The following NEDD4 variants were observed in gnomAD, a reference collection of about 807,000 sequenced individuals.
The protein encoded by NEDD4 is NEDD4 E3 ubiquitin protein ligase.
Under a neutral mutation model 144.9 loss-of-function variants are expected in NEDD4, and 99 were observed. The ratio of observed to expected loss-of-function variants is 0.68; its 90% CI spans 0.58 to 0.81. The LOEUF (loss-of-function observed/expected upper bound fraction) is 0.81. Among genes scored for constraint, NEDD4 ranks in the 30% least tolerant of loss-of-function variants. NEDD4 has a pLI of 0.00. For missense variants in NEDD4, 985 were observed against 1,065.9 expected, an observed-to-expected ratio of 0.92 and a Z score of 1.06; for synonymous variants, 318 against 350.6, an observed-to-expected ratio of 0.91 and a Z score of 1.04.
Position 55,852,494 on chromosome 15 carries a change from T to C in NEDD4, c.1076A>G (p.Asp359Gly), listed in dbSNP as rs1381034299. 1 of 1,613,284 alleles carries C rather than the reference T, an allele frequency of 6.2e-7. No individual in the cohort carries two copies. Among genetic ancestry groups the C allele is most frequent in the Non-Finnish European group, 8.5e-7 (1 of 1,179,594 alleles). The change falls in exon 13 of 29, where the codon GAT becomes GGT. Residue 359 changes from aspartate (D) to glycine (G), a missense_variant. Coordinates refer to ENST00000435532, the MANE Select transcript of NEDD4 (RefSeq NM_006154.4). ...TACATAATATGATCTTCCTCTTTCA[T>C]CTTGTTTTTCTTCCCAACCTGGTGG... The part of the protein sequence containing the change: ...GLPPGWEEKQ[D>G]ERGRSYYVDH...
intron 4 of NEDD4, among the ~76,000 whole-genome samples, chr15:55,936,245 T>C (rs1206585465): frequency 6.6e-6 from 1 of 152,140 alleles, no homozygotes; most frequent in Non-Finnish European, 1.5e-5. Context: ...GTAATAATTA[T>C]GAGTTACCTG....
chr15:55,955,421 G>A (rs1247765542), intron 2 of NEDD4, among the ~76,000 whole-genome samples: 4 of 151,998 alleles, frequency 2.6e-5, no homozygotes, highest in Non-Finnish European at 5.9e-5. Flanking sequence ...TATTCTTCCT[G>A]CTTGACTCAA....
At chr15:55,899,988 C>T (rs1443510670) in intron 5 of NEDD4, among the ~76,000 whole-genome samples, 16 of 151,584 alleles carry the variant, frequency 1.1e-4, no homozygotes, top group Admixed American at 7.9e-4. Context: ...AGTTTTAGTT[C>T]TTGCTGTCTC....
At chr15:55,976,136 A>G (rs1198783969) in intron 1 of NEDD4, among the ~76,000 whole-genome samples, 2 of 152,150 alleles carry the variant, frequency 1.3e-5, no homozygotes. Flanking sequence ...AAATCAAAAC[A>G]TTGAGGAAAC....
At chr15:55,935,513 C>T (rs1274263959) in intron 4 of NEDD4, among the ~76,000 whole-genome samples, 3 of 151,988 alleles carry the variant, frequency 2.0e-5, no homozygotes, top group African/African-American at 7.2e-5. Context: ...AGAAAAAGAT[C>T]CAAAGTCTTC....
Position 55,863,070 on chromosome 15 carries a change from C to CCCAG in NEDD4, c.513_516dup (p.Val173LeufsTer42). On this transcript the variant is annotated frameshift_variant, in exon 9 of 29. Coordinates refer to ENST00000435532, the MANE Select transcript of NEDD4 (RefSeq NM_006154.4). LOFTEE classifies it high-confidence loss of function. ...GCAGCATCTGGTTGGTCCAAAACAACCCAGCCAGGCTGAAAAACAGGATGG... is the reference window on the plus strand; with the variant it reads ...GCAGCATCTGGTTGGTCCAAAACAACCCAGCCAGCCAGGCTGAAAAACAGGATGG... The CCCAG allele has an allele frequency of 2.6e-6, 4 of 1,568,420 alleles. No individual in the cohort carries two copies. The highest frequency in any genetic ancestry group is 3.5e-6 in the Non-Finnish European group (4 of 1,150,534).
chr15:55,911,824 G>A (rs573563727), intron 5 of NEDD4, among the ~76,000 whole-genome samples: 26 of 152,202 alleles, frequency 1.7e-4, no homozygotes, highest in African/African-American at 4.6e-4. Flanking sequence ...CACCGCGCCC[G>A]GCCTAGACTG....
At chr15:55,913,992 T>C (rs2036353738) in intron 5 of NEDD4, among the ~76,000 whole-genome samples, 1 of 151,932 alleles carries the variant, frequency 6.6e-6, no homozygotes, top group Non-Finnish European at 1.5e-5. Flanking sequence ...TCTCCTAAAA[T>C]CTGGTTTTAG....
In NEDD4 at chr15:55,933,916, G is replaced by A. The variant is rs552436181; in HGVS notation, c.238-9217C>T. Among the ~76,000 whole-genome samples, 20 of 152,268 alleles carry A rather than the reference G, an allele frequency of 1.3e-4. No homozygotes were observed. The East Asian group carries it at 3.5e-3, about 26-fold the overall frequency. On this transcript the variant is annotated intron_variant, in intron 4 of 28. Transcript: ENST00000435532. ...CACCTGTAATCCCAGCACTTTGGTA[G>A]GCCGAGGCAGGCAGGTCACCTGAGG... is the stretch of plus-strand genomic sequence containing the variant.
intron 4 of NEDD4, among the ~76,000 whole-genome samples, chr15:55,930,352 T>C (rs1315519229): frequency 2.4e-4 from 37 of 152,196 alleles, no homozygotes; most frequent in African/African-American, 7.0e-4. Flanking sequence ...ATTTCTCTCA[T>C]GTATCTAGAA....
Position 55,869,611 on chromosome 15 carries a change from C to T in NEDD4, c.475G>A (p.Asp159Asn), listed in dbSNP as rs761706901. Residue 159 changes from aspartate to asparagine, a missense_variant, in exon 8 of 29, where the codon GAT (aspartate) becomes AAT (asparagine). By Grantham distance (23) the Asp-to-Asn change is conservative. Transcript: ENST00000435532. ...TYLPKTSGSE[D>N]DNAEQAEELE... ...TCCTCAGCCTGTTCTGCATTATCAT[C>T]TTCTGAGCCACTGGTTTTAGGTAAA... 7 of 1,585,928 alleles carry T rather than the reference C, an allele frequency of 4.4e-6. No homozygotes were observed. In the East Asian group the frequency reaches 1.6e-4, roughly 36 times the overall value.
At chr15:55,880,374 C>T (rs1365088584) in intron 5 of NEDD4, among the ~76,000 whole-genome samples, 1 of 151,976 alleles carries the variant, frequency 6.6e-6, no homozygotes, top group Non-Finnish European at 1.5e-5. Flanking sequence ...GGCACATCAC[C>T]GTGACATTTC....
intron 1 of NEDD4, among the ~76,000 whole-genome samples, chr15:55,986,847 G>A (rs369568485): frequency 9.2e-5 from 14 of 151,696 alleles, no homozygotes; most frequent in African/African-American, 2.2e-4. Flanking sequence ...CACCCGTCTC[G>A]GCCTCCCAAA....
intron 5 of NEDD4, chr15:55,905,316 T>C (rs1385211638): frequency 2.2e-6 from 1 of 455,016 alleles, no homozygotes; most frequent in Non-Finnish European, 4.4e-6. Flanking sequence ...TAGAAGTTTC[T>C]TCTCTGGAGA....
chr15:55,889,106 C>T (rs1322071947), intron 5 of NEDD4, among the ~76,000 whole-genome samples: 2 of 152,062 alleles, frequency 1.3e-5, no homozygotes, highest in Non-Finnish European at 2.9e-5. Flanking sequence ...GGGATCACAT[C>T]AAGGTAAAAA....
At chr15:55,983,119 T>C (rs2037830580) in intron 1 of NEDD4, among the ~76,000 whole-genome samples, 2 of 150,912 alleles carry the variant, frequency 1.3e-5, no homozygotes, top group South Asian at 2.1e-4. Flanking sequence ...TGAAACTCCA[T>C]CTCTTAAAAA....
intron 5 of NEDD4, among the ~76,000 whole-genome samples, chr15:55,906,666 T>A (rs1388791599): frequency 2.2e-4 from 33 of 151,886 alleles, no homozygotes; most frequent in Admixed American, 9.2e-4. Flanking sequence ...TAGCATTAGG[T>A]GATATACTTA....
At chr15:55,830,663 C>T (rs2032906211) in intron 27 of NEDD4, 77 bp from the exon 28 acceptor site, 3 of 1,120,802 alleles carry the variant, frequency 2.7e-6, no homozygotes. Flanking sequence ...TTCTAGTGTA[C>T]ACTAGTTCCT....
At chr15:55,873,620 TGTC>T (rs2034885387) in intron 6 of NEDD4, among the ~76,000 whole-genome samples, 1 of 152,208 alleles carries the variant, frequency 6.6e-6, no homozygotes, top group African/African-American at 2.4e-5. Flanking sequence ...ATGTTTCCAT[TGTC>T]GTAAACTATC....
Sources: allele counts gnomAD v4.1 joint callset (sites outside exome capture counted in the v4.1 genomes callset), GRCh38; gene constraint gnomAD v4.1.1; transcripts MANE v1.5; gene names NCBI Gene and HGNC (gene_info 2026-07-23, HGNC 2026-07-21).